Variants in PCDHGB4 observed in about 807,000 individuals in gnomAD.
PCDHGB4 encodes protocadherin gamma subfamily B, 4, also known as protocadherin gamma-B4.
PCDHGB4 carries 38 observed loss-of-function variants against 60.5 expected under a neutral mutation model. The ratio of observed to expected loss-of-function variants is 0.63; its 90% CI spans 0.48 to 0.82. The LOEUF (loss-of-function observed/expected upper bound fraction) is 0.82, where lower values mean the gene tolerates loss of function less well. Among genes scored for constraint, PCDHGB4 ranks in the 40% least tolerant of loss-of-function variants. PCDHGB4 has a pLI of 0.00. For synonymous variants in PCDHGB4, 456 were observed against 509.7 expected (o/e 0.89, Z 1.42); for missense variants, 1,109 against 1,209.6 (o/e 0.92, Z 1.23).
chr5:141,493,694 G>A lies in PCDHGB4; in HGVS notation c.2398-1113G>A, dbSNP rs929897875. On this transcript the variant is annotated intron_variant, in intron 1 of 3. Transcript: ENST00000519479. This position sits in a 1 kb window ranked among gnomAD's most constrained non-coding sequence, Gnocchi z 4.3. ...CCCCAGAATGGTGCTGGTGACTCCC[G>A]ATACACCTGGAATGCTAGGTTTCTG... Among the ~76,000 whole-genome samples the A allele has an allele frequency of 5.9e-5, 9 of 152,130 alleles. No individual in the cohort carries two copies. Among genetic ancestry groups the A allele is most frequent in the African/African-American group, 9.7e-5 (4 of 41,404 alleles).
chr5:141,491,857 G>A lies in PCDHGB4; in HGVS notation c.2398-2950G>A. Reference sequence around the variant, plus strand: ...CTCGGGATCATTGGACCGTTTGCGCGAAACCAGAGTGGCCGATTAAGGGAT... The same window carrying A: ...CTCGGGATCATTGGACCGTTTGCGCAAAACCAGAGTGGCCGATTAAGGGAT... On this transcript the variant is annotated intron_variant, in intron 1 of 3. Transcript: ENST00000519479. This position sits in a 1 kb window ranked among gnomAD's most constrained non-coding sequence, Gnocchi z 6.9. The A allele has an allele frequency of 6.9e-7, 1 of 1,457,470 alleles. No homozygotes were observed. The highest frequency in any genetic ancestry group is 1.5e-5 in the South Asian group (1 of 68,508). The allele number at this position is 1,457,470 out of a possible 1,614,324, so 90.3% of individuals were successfully genotyped here. A position where few individuals can be genotyped will look rare whatever the true frequency, so the allele number is the denominator to read the frequency against.
intron 1 of PCDHGB4, among the ~76,000 whole-genome samples, chr5:141,433,482 C>T (rs935076625): frequency 3.3e-5 from 5 of 152,110 alleles, no homozygotes; most frequent in African/African-American, 9.6e-5. Flanking sequence ...TAGCCTCCTG[C>T]TTCTCCCTCC....
rs138149681 is a variant in PCDHGB4, at chr5:141,486,735, G to A, written c.2398-8072G>A. Reference sequence around the variant, plus strand: ...CAGACAGGAGCTGTTCATGCTACTCGATCCTTTGACTATGAGCAAACCCAG... The same window carrying A: ...CAGACAGGAGCTGTTCATGCTACTCAATCCTTTGACTATGAGCAAACCCAG... On this transcript the variant is annotated intron_variant, in intron 1 of 3. Transcript: ENST00000519479. The surrounding 1 kb of genome is among the most constrained non-coding windows in gnomAD (Gnocchi z 5.0). 3.1e-4 allele frequency: 502 copies of A among 1,614,174 alleles called. 1 individual carries two copies. Among genetic ancestry groups the A allele is most frequent in the South Asian group, 1.8e-3 (161 of 91,086 alleles).
At position 141,398,948 on chromosome 5, in the gene PCDHGB4, A is replaced by T. The variant is rs775133149; in HGVS notation, c.2397+8667A>T. The T allele has an allele frequency of 2.5e-6, 4 of 1,613,958 alleles. No homozygotes were observed. The South Asian group carries it at 3.3e-5, about 13-fold the overall frequency. On this transcript the variant is annotated intron_variant, in intron 1 of 3. Transcript: ENST00000519479. The stretch of plus-strand genomic sequence containing the variant: ...GCCACTGACCAAGACGAGGGCATCA[A>T]CTCAGAAATTACTTATTCCTTCTAC...
Position 141,486,316 on chromosome 5 carries a change from A to G in PCDHGB4, c.2398-8491A>G, listed in dbSNP as rs1251956899. The G allele has an allele frequency of 6.2e-7, 1 of 1,614,066 alleles. No individual in the cohort carries two copies. On this transcript the variant is annotated intron_variant, in intron 1 of 3. Transcript: ENST00000519479. This position sits in a 1 kb window ranked among gnomAD's most constrained non-coding sequence, Gnocchi z 5.0. ...GTGTGCAGGATCCAGACTCAGGGTC[A>G]AACGGAGATGTGAGCCTCCGCATTC...
rs2099695710 is a variant in PCDHGB4, at chr5:141,490,068, A to G, written c.2398-4739A>G. On this transcript the variant is annotated intron_variant, in intron 1 of 3. Coordinates refer to ENST00000519479, the MANE Select transcript of PCDHGB4 (RefSeq NM_003736.4). This position sits in a 1 kb window ranked among gnomAD's most constrained non-coding sequence, Gnocchi z 5.4. ...ATCCAGACGAGGGCACCAACGGCCA[A>G]CTAGACTATTCTTTTGGAGACCACA... is the stretch of plus-strand genomic sequence containing the variant. 2 of 1,614,152 alleles carry G rather than the reference A, an allele frequency of 1.2e-6. No homozygotes were observed. The highest frequency in any genetic ancestry group is 1.6e-4 in the Middle Eastern group (1 of 6,084).
intron 1 of PCDHGB4, chr5:141,429,208 G>A (rs568951026): frequency 5.4e-4 from 77 of 142,568 alleles, no homozygotes; most frequent in African/African-American, 1.9e-3. Context: ...ACACACACGT[G>A]TGAAAAGTGG....
At chr5:141,441,818 TG>T in intron 1 of PCDHGB4, 1 of 359,922 alleles carries the variant, frequency 2.8e-6, no homozygotes, top group Non-Finnish European at 5.5e-6. Flanking sequence ...ACCCCAGCTC[TG>T]GAGCGCAATG....
At chr5:141,422,546 GGC>G in intron 1 of PCDHGB4, 8 of 1,613,972 alleles carry the variant, frequency 5.0e-6, no homozygotes, top group Non-Finnish European at 6.8e-6. Flanking sequence ...ACTCATGTCT[GGC>G]TGAATGTGGC....
At chr5:141,420,651 T>A (rs1357679146) in intron 1 of PCDHGB4, among the ~76,000 whole-genome samples, 1 of 152,274 alleles carries the variant, frequency 6.6e-6, no homozygotes, top group East Asian at 1.9e-4. Flanking sequence ...GTAAGAATTA[T>A]AGTTAGGCAT....
chr5:141,489,397 G>T lies in PCDHGB4; in HGVS notation c.2398-5410G>T. ...GGTGGGGAATGTTGCTCAGGATCTG[G>T]GCTTAAAGATGACAGATCTGTTGAG... On this transcript the variant is annotated intron_variant, in intron 1 of 3. Coordinates refer to ENST00000519479, the MANE Select transcript of PCDHGB4 (RefSeq NM_003736.4). The surrounding 1 kb of genome is among the most constrained non-coding windows in gnomAD (Gnocchi z 4.5). 2 of 1,614,176 alleles carry T rather than the reference G, an allele frequency of 1.2e-6. No individual in the cohort carries two copies. Among genetic ancestry groups the T allele is most frequent in the Non-Finnish European group, 1.7e-6 (2 of 1,180,038 alleles).
intron 1 of PCDHGB4, chr5:141,428,149 G>A (rs1048150182): frequency 8.8e-6 from 14 of 1,586,676 alleles, no homozygotes; most frequent in African/African-American, 1.3e-5. Flanking sequence ...CTGCACACGG[G>A]AACCTGCTGG....
chr5:141,430,657 A>G (rs2097300740), intron 1 of PCDHGB4: 1 of 1,093,240 alleles, frequency 9.1e-7, no homozygotes, highest in African/African-American at 1.6e-5. Flanking sequence ...GAAACAACGG[A>G]GGAGCTCTGA....
chr5:141,506,506 C>T (rs1279198463), intron 3 of PCDHGB4, among the ~76,000 whole-genome samples: 2 of 151,030 alleles, frequency 1.3e-5, no homozygotes. Context: ...GATTCAAATC[C>T]TGGCACCTGG....
chr5:141,490,065 C>A lies in PCDHGB4; in HGVS notation c.2398-4742C>A, dbSNP rs1161257597. ...CTGATCCAGACGAGGGCACCAACGG[C>A]CAACTAGACTATTCTTTTGGAGACC... On this transcript the variant is annotated intron_variant, in intron 1 of 3. Coordinates refer to ENST00000519479, the MANE Select transcript of PCDHGB4 (RefSeq NM_003736.4). This position sits in a 1 kb window ranked among gnomAD's most constrained non-coding sequence, Gnocchi z 5.4. 1 of 1,614,258 alleles carries A rather than the reference C, an allele frequency of 6.2e-7. No individual in the cohort carries two copies. Among genetic ancestry groups the A allele is most frequent in the South Asian group, 1.1e-5 (1 of 91,090 alleles).
Position 141,511,409 on chromosome 5 carries a change from G to C in PCDHGB4, c.*236G>C, listed in dbSNP as rs999907393. On this transcript the variant is annotated 3_prime_UTR_variant, in exon 4 of 4. Coordinates refer to ENST00000519479, the MANE Select transcript of PCDHGB4 (RefSeq NM_003736.4). Reference sequence around the variant, plus strand: ...GGGAACCCCCATCCAATCAACTGCTGTACCCATGGGGGTAGTGGGGTTACT... The same window carrying C: ...GGGAACCCCCATCCAATCAACTGCTCTACCCATGGGGGTAGTGGGGTTACT... The C allele has an allele frequency of 1.1e-6, 1 of 908,516 alleles. No homozygotes were observed. The highest frequency in any genetic ancestry group is 1.7e-5 in the African/African-American group (1 of 59,504). The allele number at this position is 908,516 out of a possible 1,614,324, so 56.3% of individuals were successfully genotyped here.
intron 1 of PCDHGB4, chr5:141,427,864 A>G: frequency 6.4e-7 from 1 of 1,557,574 alleles, no homozygotes; most frequent in Non-Finnish European, 8.8e-7. Flanking sequence ...TGCGCCTTCG[A>G]GCTCACGATG....
At chr5:141,444,757 C>T (rs919228537) in intron 1 of PCDHGB4, among the ~76,000 whole-genome samples, 4 of 152,050 alleles carry the variant, frequency 2.6e-5, no homozygotes, top group African/African-American at 9.7e-5. Flanking sequence ...ATATGTAGTT[C>T]TATTTCTATA....
chr5:141,409,759 C>A, intron 1 of PCDHGB4: 1 of 1,612,958 alleles, frequency 6.2e-7, no homozygotes, highest in Non-Finnish European at 8.5e-7. Flanking sequence ...CGCAGCGCGC[C>A]TTTGATCACG....
Sources: gnomAD v4.1 joint callset for allele counts (sites outside exome capture counted in the v4.1 genomes callset) on GRCh38, gnomAD v4.1.1 for gene constraint, Gnocchi (gnomAD v3.1) non-coding constraint, MANE v1.5 for transcripts, NCBI Gene and HGNC (gene_info 2026-07-23, HGNC 2026-07-21) for gene names.